SCP2: variants seen among roughly 807,000 people sequenced by gnomAD.
The protein encoded by SCP2 is sterol carrier protein 2.
SCP2 carries 48 observed loss-of-function variants against 71.4 expected under a neutral mutation model. The ratio of observed to expected loss-of-function variants is 0.67; its 90% CI spans 0.53 to 0.86. The LOEUF is 0.86. Ranked by LOEUF, SCP2 falls within the 40% of genes least tolerant of loss-of-function variation. The probability of loss-of-function intolerance (pLI) is 0.00; values close to 1 mark genes in which losing one functional copy is unlikely to be tolerated. For synonymous variants in SCP2, 220 were observed against 218.1 expected, an observed-to-expected ratio of 1.01 and a Z score of -0.08; for missense variants, 560 against 655.6, an observed-to-expected ratio of 0.85 and a Z score of 1.59.
At chr1:52,939,473 G>A (rs1654018719) in intron 1 of SCP2, among the ~76,000 whole-genome samples, 1 of 152,094 alleles carries the variant, frequency 6.6e-6, no homozygotes, top group African/African-American at 2.4e-5. Context: ...TTGAGCCCGG[G>A]AAGTTGAAGC....
At position 53,050,533 on chromosome 1, in the gene SCP2, G is replaced by A. The variant is rs559870044; in HGVS notation, c.1549-76G>A. On this transcript the variant is annotated intron_variant, in intron 15 of 15. Transcript: ENST00000371514. ...GACCTGGATAAATAAATGATCTCAG[G>A]GCTAGATAGTGTAGAAACATCAGCA... The A allele has an allele frequency of 7.8e-6, 7 of 897,370 alleles. No individual in the cohort carries two copies. In the South Asian group the frequency reaches 7.9e-5, roughly 10 times the overall value. The allele number at this position is 897,370 out of a possible 1,614,324, so 55.6% of individuals were successfully genotyped here. A position where few individuals can be genotyped will look rare whatever the true frequency, so the allele number is the denominator to read the frequency against.
intron 10 of SCP2, among the ~76,000 whole-genome samples, chr1:52,983,677 A>G (rs1435487615): frequency 1.3e-5 from 2 of 151,960 alleles, no homozygotes; most frequent in Non-Finnish European, 2.9e-5. Flanking sequence ...TATAGTTTCT[A>G]TTTCTCTGCT....
intron 14 of SCP2, among the ~76,000 whole-genome samples, chr1:53,040,449 G>C (rs1663334044): frequency 6.6e-6 from 1 of 152,178 alleles, no homozygotes; most frequent in Non-Finnish European, 1.5e-5. Context: ...CTTGTGGCCT[G>C]TTCCCTCCTT....
intron 12 of SCP2, among the ~76,000 whole-genome samples, chr1:53,015,812 C>T (rs1010344657): frequency 4.6e-5 from 7 of 152,082 alleles, no homozygotes; most frequent in Non-Finnish European, 1.0e-4. Flanking sequence ...GCCGGAATAC[C>T]TCACAGTCTA....
chr1:52,960,570 A>ATATATGTAGATATGTATG (rs1553145954), intron 5 of SCP2, among the ~76,000 whole-genome samples: 1 of 146,344 alleles, frequency 6.8e-6, no homozygotes, highest in East Asian at 2.0e-4. Context: ...ATGTATGTAT[A>ATATATGTAGATATGTATG]TATATGTATA....
intron 5 of SCP2, among the ~76,000 whole-genome samples, chr1:52,960,181 G>A (rs1162713807): frequency 6.6e-6 from 1 of 152,028 alleles, no homozygotes; most frequent in Non-Finnish European, 1.5e-5. Flanking sequence ...GAGCCATGGC[G>A]CCTGGCCTAT....
chr1:53,042,106 TAC>T (rs1663478962), intron 14 of SCP2, among the ~76,000 whole-genome samples: 1 of 152,286 alleles, frequency 6.6e-6, no homozygotes, highest in Non-Finnish European at 1.5e-5. Flanking sequence ...TCCTGAATTA[TAC>T]AGAGTCCCTT....
chr1:53,021,457 C>T (rs140915027), intron 12 of SCP2, among the ~76,000 whole-genome samples: 4 of 151,392 alleles, frequency 2.6e-5, no homozygotes, highest in Middle Eastern at 3.2e-3. Flanking sequence ...GCTGGGACTA[C>T]AGGCACGCAC....
At chr1:53,036,731 A>G (rs1662978337) in intron 13 of SCP2, among the ~76,000 whole-genome samples, 1 of 151,964 alleles carries the variant, frequency 6.6e-6, no homozygotes, top group South Asian at 2.1e-4. Flanking sequence ...AAATGAGATC[A>G]TATTTTGTAA....
chr1:52,940,212 T>C (rs1206752177), intron 1 of SCP2: 1 of 152,224 alleles, frequency 6.6e-6, no homozygotes, highest in Non-Finnish European at 1.5e-5. Flanking sequence ...GAGACCAGCC[T>C]GGGCAACATG....
chr1:53,044,755 T>C lies in SCP2; in HGVS notation c.1469-3103T>C, dbSNP rs190457705. 5.9e-5 allele frequency among the ~76,000 whole-genome samples: 9 copies of C among 152,376 alleles called. No individual in the cohort carries two copies. The East Asian group carries it at 1.7e-3, about 29-fold the overall frequency. ...CCTAAAACGTTGACTGCTGAAAATGTTGATTTCTTGGTGAATTTTTCCTTT... is the reference window on the plus strand; with the variant it reads ...CCTAAAACGTTGACTGCTGAAAATGCTGATTTCTTGGTGAATTTTTCCTTT... On this transcript the variant is annotated intron_variant, in intron 14 of 15. Transcript: ENST00000371514.
At chr1:53,001,821 T>C (rs1047932505) in intron 11 of SCP2, among the ~76,000 whole-genome samples, 2 of 152,202 alleles carry the variant, frequency 1.3e-5, no homozygotes, top group Non-Finnish European at 2.9e-5. Flanking sequence ...TCCTATACTT[T>C]CTCAGTACTT....
intron 2 of SCP2, among the ~76,000 whole-genome samples, chr1:52,946,383 C>T (rs1654798726): frequency 6.6e-6 from 1 of 151,850 alleles, no homozygotes; most frequent in African/African-American, 2.4e-5. Context: ...TGTATGCTAC[C>T]ACACCTGGCT....
intron 12 of SCP2, among the ~76,000 whole-genome samples, chr1:53,015,397 A>G (rs1232307685): frequency 1.3e-5 from 2 of 152,088 alleles, no homozygotes. Context: ...TGCTGATTGG[A>G]TCTTTGCAAA....
At chr1:52,927,615 G>A (rs772675472) in intron 1 of SCP2, 150 bp downstream of exon 1, 35 of 671,810 alleles carry the variant, frequency 5.2e-5, no homozygotes, top group Non-Finnish European at 8.0e-5. Flanking sequence ...CGGAATCTCT[G>A]GGGTCATAGC....
intron 10 of SCP2, among the ~76,000 whole-genome samples, chr1:52,983,540 T>C (rs752891006): frequency 5.3e-5 from 8 of 152,226 alleles, no homozygotes; most frequent in Non-Finnish European, 8.8e-5. Flanking sequence ...CATTTGATAA[T>C]TTATGTTGAT....
At chr1:52,968,190 T>C (rs573837466) in intron 6 of SCP2, among the ~76,000 whole-genome samples, 53 of 152,240 alleles carry the variant, frequency 3.5e-4, no homozygotes, top group African/African-American at 1.3e-3. Flanking sequence ...GATCGGCCCG[T>C]CTTGGCCTCC....
chr1:52,957,769 A>T (rs1302738117), intron 5 of SCP2, among the ~76,000 whole-genome samples: 1 of 152,260 alleles, frequency 6.6e-6, no homozygotes, highest in Non-Finnish European at 1.5e-5. Flanking sequence ...GTTTTCTGTC[A>T]CATGTGTTTT....
chr1:53,027,570 T>C (rs1323535913), intron 12 of SCP2, among the ~76,000 whole-genome samples: 1 of 152,142 alleles, frequency 6.6e-6, no homozygotes, highest in African/African-American at 2.4e-5. Flanking sequence ...AATGGTGCCA[T>C]CTCGGCTCAC....
Sources: gnomAD v4.1 joint callset for allele counts (sites outside exome capture counted in the v4.1 genomes callset) on GRCh38, gnomAD v4.1.1 for gene constraint, MANE v1.5 for transcripts, NCBI Gene and HGNC (gene_info 2026-07-23, HGNC 2026-07-21) for gene names.